Variants in COL8A2 observed in about 807,000 individuals in gnomAD.
The protein encoded by COL8A2 is collagen alpha-2(VIII) chain.
In COL8A2, 16 loss-of-function variants were observed where a neutral mutation model predicts 24.0. The ratio of observed to expected loss-of-function variants is 0.67; its 90% CI spans 0.45 to 1.01. COL8A2 has a LOEUF of 1.01. Among genes scored for constraint, COL8A2 ranks in the 50% least tolerant of loss-of-function variants. The pLI, the probability that COL8A2 is intolerant of heterozygous loss-of-function variation, is 0.00. For missense variants in COL8A2, 818 were observed against 942.4 expected (o/e 0.87, Z 1.73); for synonymous variants, 466 against 424.5 (o/e 1.10, Z -1.20).
chr1:36,107,375 G>A (rs1372695115), intron 2 of COL8A2, among the ~76,000 whole-genome samples: 1 of 151,598 alleles, frequency 6.6e-6, no homozygotes, highest in African/African-American at 2.4e-5. Flanking sequence ...CTGCACTCCA[G>A]CCTGGGTGGC....
Position 36,123,295 on chromosome 1 carries a change from G to T in COL8A2, c.-62+1762C>A, listed in dbSNP as rs1354284332. ...TGAGAGTTCTGGAGCGGGCTGGGGGGCCAGCAGGGCAAGGAAGCTGGGGCT... is the reference window on the plus strand; with the variant it reads ...TGAGAGTTCTGGAGCGGGCTGGGGGTCCAGCAGGGCAAGGAAGCTGGGGCT... On this transcript the variant is annotated intron_variant, in intron 1 of 3. Transcript: ENST00000397799. The surrounding 1 kb of genome is among the most constrained non-coding windows in gnomAD (Gnocchi z 4.1). Among the ~76,000 whole-genome samples, 16 of 152,370 alleles carry T rather than the reference G, an allele frequency of 1.1e-4. No individual in the cohort carries two copies. Among genetic ancestry groups the T allele is most frequent in the Middle Eastern group, 3.4e-3 (1 of 294 alleles).
At chr1:36,100,986 C>G (rs987918390) in intron 2 of COL8A2, among the ~76,000 whole-genome samples, 1 of 143,952 alleles carries the variant, frequency 6.9e-6, no homozygotes, top group Non-Finnish European at 1.5e-5. Context: ...ATCTGCCTCC[C>G]GGGTTCAAGC....
intron 1 of COL8A2, among the ~76,000 whole-genome samples, chr1:36,116,371 T>A (rs1643879660): frequency 6.6e-6 from 1 of 152,170 alleles, no homozygotes; most frequent in Non-Finnish European, 1.5e-5. Flanking sequence ...GTGTCCCGGG[T>A]TCCCATGCTG....
chr1:36,105,217 T>A (rs1280864986), intron 2 of COL8A2, among the ~76,000 whole-genome samples: 2 of 152,148 alleles, frequency 1.3e-5, no homozygotes, highest in Non-Finnish European at 2.9e-5. Context: ...CATGTTCGAA[T>A]CCCAGTTCTA....
At chr1:36,103,440 T>C (rs987050800) in intron 2 of COL8A2, among the ~76,000 whole-genome samples, 1 of 151,704 alleles carries the variant, frequency 6.6e-6, no homozygotes, top group Non-Finnish European at 1.5e-5. Flanking sequence ...GCCCGGCTAA[T>C]TTTTTGTATT....
chr1:36,109,013 C>T (rs1050826451), intron 2 of COL8A2, among the ~76,000 whole-genome samples: 4 of 152,168 alleles, frequency 2.6e-5, no homozygotes, highest in African/African-American at 9.7e-5. Context: ...CCCCAGGCAC[C>T]CGCTAGGTTC....
Position 36,097,645 on chromosome 1 carries a change from G to T in COL8A2, c.2036C>A (p.Ser679Ter). The change falls in exon 4 of 4, where the codon TCG becomes TAG. Residue 679 changes from serine (S) to a stop codon, truncating the protein, a stop_gained. Coordinates refer to ENST00000397799, the MANE Select transcript of COL8A2 (RefSeq NM_005202.4). LOFTEE classifies it high-confidence loss of function. ...PNDQVWVQMP[S>*]DQANGLYSTE... ...GGAGTAGAGGCCGTTGGCCTGGTCC[G>T]ACGGCATCTGCACCCAGACCTGGTC... 6.2e-7 allele frequency: 1 copy of T among 1,613,562 alleles called. No individual in the cohort carries two copies. The highest frequency in any genetic ancestry group is 8.5e-7 in the Non-Finnish European group (1 of 1,180,004).
rs1002463780 is a variant in COL8A2 at position 36,097,354 on chromosome 1, T to C, written c.*215A>G. ...GGCCTATGGGGTGCAGCCCTGACAC[T>C]GCACAGACATTTGGGGGAAAGAAAC... On this transcript the variant is annotated 3_prime_UTR_variant, in exon 4 of 4. Transcript: ENST00000397799. 1.8e-6 allele frequency: 1 copy of C among 569,656 alleles called. No individual in the cohort carries two copies. Among genetic ancestry groups the C allele is most frequent in the Non-Finnish European group, 3.1e-6 (1 of 319,160 alleles). The allele number at this position is 569,656 out of a possible 1,614,324, so 35.3% of individuals were successfully genotyped here.
chr1:36,099,512 G>A (rs1473601731), intron 3 of COL8A2, 25 bp from the exon 4 acceptor site: 1 of 1,493,676 alleles, frequency 6.7e-7, no homozygotes, highest in East Asian at 2.4e-5. Flanking sequence ...GAAAGGGGCA[G>A]TCAGGGGCCT....
At chr1:36,108,258 G>A (rs982352716) in intron 2 of COL8A2, among the ~76,000 whole-genome samples, 1 of 152,198 alleles carries the variant, frequency 6.6e-6, no homozygotes, top group African/African-American at 2.4e-5. Context: ...GATTAGAGGT[G>A]TGCAGGGGAG....
At chr1:36,113,903 G>A (rs575203607) in intron 2 of COL8A2, among the ~76,000 whole-genome samples, 8 of 152,242 alleles carry the variant, frequency 5.3e-5, no homozygotes, top group African/African-American at 1.7e-4. Flanking sequence ...ATGGTGGGAC[G>A]GTCCAAGCTG....
intron 1 of COL8A2, among the ~76,000 whole-genome samples, chr1:36,120,498 C>A (rs1570059598): frequency 6.6e-6 from 1 of 151,800 alleles, no homozygotes; most frequent in African/African-American, 2.4e-5. Context: ...GCCTGTAACC[C>A]CAGCACTTTG....
chr1:36,097,541 G>T lies in COL8A2; in HGVS notation c.*28C>A. 2 of 1,541,746 alleles carry T rather than the reference G, an allele frequency of 1.3e-6. No homozygotes were observed. Among genetic ancestry groups the T allele is most frequent in the Non-Finnish European group, 1.8e-6 (2 of 1,124,346 alleles). On this transcript the variant is annotated 3_prime_UTR_variant, in exon 4 of 4. Coordinates refer to ENST00000397799, the MANE Select transcript of COL8A2 (RefSeq NM_005202.4). Reference sequence around the variant, plus strand: ...TCGCTCTACCACTAAAGGGGAGGAGGCCAGGGCAGCAGGACCCCCCCCGCG... The same window carrying T: ...TCGCTCTACCACTAAAGGGGAGGAGTCCAGGGCAGCAGGACCCCCCCCGCG...
At position 36,100,042 on chromosome 1, in the gene COL8A2, G is replaced by A. The variant is rs1395598803; in HGVS notation, c.193+8C>T. On this transcript the variant is annotated splice_region_variant and intron_variant, in intron 3 of 3. Transcript: ENST00000397799. Reference sequence around the variant, plus strand: ...ATTTGAGGCACTGTGGGGTGAGGAGGCTCTCACCCAGGTACTGGCCTTTGC... The same window carrying A: ...ATTTGAGGCACTGTGGGGTGAGGAGACTCTCACCCAGGTACTGGCCTTTGC... The A allele has an allele frequency of 1.2e-6, 2 of 1,607,862 alleles. No individual in the cohort carries two copies. The highest frequency in any genetic ancestry group is 1.7e-6 in the Non-Finnish European group (2 of 1,175,010).
intron 2 of COL8A2, among the ~76,000 whole-genome samples, chr1:36,109,348 C>A (rs1643806524): frequency 6.6e-6 from 1 of 152,226 alleles, no homozygotes; most frequent in South Asian, 2.1e-4. Flanking sequence ...CTGGCTCTGT[C>A]TCTGTCATCA....
At position 36,098,735 on chromosome 1, in the gene COL8A2, C is replaced by T. The variant is rs1209900073; in HGVS notation, c.946G>A (p.Gly316Arg). The change falls in exon 4 of 4, where the codon GGG (glycine) becomes AGG (arginine). Residue 316 changes from glycine (G) to arginine (R), a missense_variant. This residue lies in a region of COL8A2 where 573 missense variants were observed against 616.8 expected (regional missense o/e 0.93). Transcript: ENST00000397799. ...PPGLIGPTGY[G>R]MPGLPGPKGD... ...TTGGGGCCTGGCAGTCCTGGCATCCCATAGCCAGTGGGGCCTATCAGCCCA... is the reference window on the plus strand; with the variant it reads ...TTGGGGCCTGGCAGTCCTGGCATCCTATAGCCAGTGGGGCCTATCAGCCCA... The T allele has an allele frequency of 6.2e-7, 1 of 1,611,492 alleles. No homozygotes were observed. The highest frequency in any genetic ancestry group is 2.2e-5 in the East Asian group (1 of 44,828).
Position 36,097,453 on chromosome 1 carries a change from G to T in COL8A2, c.*116C>A. 1 of 872,044 alleles carries T rather than the reference G, an allele frequency of 1.1e-6. No homozygotes were observed. Among genetic ancestry groups the T allele is most frequent in the Non-Finnish European group, 1.8e-6 (1 of 552,758 alleles). 54.0% of individuals were successfully genotyped at this position (872,044 alleles called of 1,614,324 possible). On this transcript the variant is annotated 3_prime_UTR_variant, in exon 4 of 4. Transcript: ENST00000397799. ...AGCAAGTTAGTCTCCTCGGGCCAAG[G>T]CCACGGCCGCCTCTGTTCAGCTTTT... is the stretch of plus-strand genomic sequence containing the variant.
chr1:36,102,152 G>A (rs115724336), intron 2 of COL8A2, among the ~76,000 whole-genome samples: 6,567 of 152,260 alleles, frequency 0.043, 453 homozygotes, highest in African/African-American at 0.15. Flanking sequence ...GTGACAGAGG[G>A]AGACCTGGTC....
chr1:36,109,337 T>C (rs1315361147), intron 2 of COL8A2, among the ~76,000 whole-genome samples: 2 of 152,196 alleles, frequency 1.3e-5, no homozygotes, highest in South Asian at 4.1e-4. Flanking sequence ...CCCTCCTCCT[T>C]CTGGCTCTGT....
Sources: gnomAD v4.1 joint callset for allele counts (sites outside exome capture counted in the v4.1 genomes callset) on GRCh38, gnomAD v4.1.1 for gene constraint, gnomAD v4.1.1 regional missense constraint, Gnocchi (gnomAD v3.1) non-coding constraint, MANE v1.5 for transcripts, NCBI Gene and HGNC (gene_info 2026-07-23, HGNC 2026-07-21) for gene names.